Variants in NELL1 observed in about 807,000 individuals in gnomAD.
The protein encoded by NELL1 is neural EGFL like 1.
A neutral mutation model predicts 107.4 loss-of-function variants in NELL1; 76 were observed. The ratio of observed to expected loss-of-function variants is 0.71; its 90% confidence interval spans 0.59 to 0.86. The LOEUF is 0.86. Ranked by LOEUF, NELL1 falls within the 40% of genes least tolerant of loss-of-function variation. The probability of loss-of-function intolerance (pLI) is 0.00; values close to 1 mark genes in which losing one functional copy is unlikely to be tolerated. For missense variants in NELL1, 1,024 were observed against 1,005.5 expected (o/e 1.02, Z -0.25); for synonymous variants, 353 against 341.2 (o/e 1.03, Z -0.38).
At chr11:21,063,840 C>T (rs1853803441) in intron 12 of NELL1, among the ~76,000 whole-genome samples, 1 of 152,190 alleles carries the variant, frequency 6.6e-6, no homozygotes, top group African/African-American at 2.4e-5. Flanking sequence ...AACAAACTAA[C>T]TAATAAATCA....
intron 2 of NELL1, among the ~76,000 whole-genome samples, chr11:20,685,164 AT>A (rs1854277567): frequency 6.6e-6 from 1 of 151,944 alleles, no homozygotes; most frequent in South Asian, 2.1e-4. Flanking sequence ...TTCCTATGCT[AT>A]GCCTGGAAAC....
intron 2 of NELL1, among the ~76,000 whole-genome samples, chr11:20,707,402 A>G (rs774635246): frequency 3.3e-5 from 5 of 152,144 alleles, no homozygotes; most frequent in African/African-American, 9.7e-5. Context: ...GCTTTGTTCC[A>G]TTGCTGGCAA....
intron 3 of NELL1, among the ~76,000 whole-genome samples, chr11:20,804,745 A>G (rs1256424586): frequency 6.6e-6 from 1 of 152,198 alleles, no homozygotes; most frequent in African/African-American, 2.4e-5. Context: ...GAGGAGAAGC[A>G]TATGTATTCT....
At chr11:20,889,256 A>C (rs190933900) in intron 5 of NELL1, among the ~76,000 whole-genome samples, 1 of 152,380 alleles carries the variant, frequency 6.6e-6, no homozygotes, top group Non-Finnish European at 1.5e-5. Context: ...ACAAAACACA[A>C]ATTTTTCACA....
intron 14 of NELL1, among the ~76,000 whole-genome samples, chr11:21,312,552 A>T (rs1179015805): frequency 6.6e-6 from 1 of 152,130 alleles, no homozygotes; most frequent in Non-Finnish European, 1.5e-5. Flanking sequence ...TTCTCATTTC[A>T]TTCTTACATC....
intron 13 of NELL1, among the ~76,000 whole-genome samples, chr11:21,121,969 A>G (rs1855378013): frequency 6.6e-6 from 1 of 152,218 alleles, no homozygotes; most frequent in African/African-American, 2.4e-5. Flanking sequence ...TCCAGCACAT[A>G]TATCTTAGGG....
At chr11:20,740,427 C>T (rs1057033935) in intron 2 of NELL1, among the ~76,000 whole-genome samples, 1 of 152,202 alleles carries the variant, frequency 6.6e-6, no homozygotes, top group Non-Finnish European at 1.5e-5. Flanking sequence ...CAGGCTCTTG[C>T]TCCTCTCCTT....
chr11:20,993,590 G>A lies in NELL1; in HGVS notation c.1300+33030G>A, dbSNP rs557303330. Among the ~76,000 whole-genome samples, 8 of 152,150 alleles carry A rather than the reference G, an allele frequency of 5.3e-5. No individual in the cohort carries two copies. In the East Asian group the frequency reaches 9.7e-4, roughly 18 times the overall value. ...CCCCCTCAAGGACACCAAAGTCCACGGATGTTCAAGTCTTGGACATAAAAT... is the reference window on the plus strand; with the variant it reads ...CCCCCTCAAGGACACCAAAGTCCACAGATGTTCAAGTCTTGGACATAAAAT... On this transcript the variant is annotated intron_variant, in intron 12 of 19. Transcript: ENST00000357134.
At chr11:20,933,161 G>A (rs1029960261) in intron 9 of NELL1, among the ~76,000 whole-genome samples, 1 of 152,226 alleles carries the variant, frequency 6.6e-6, no homozygotes, top group Non-Finnish European at 1.5e-5. Flanking sequence ...AGGTGGTGGG[G>A]GATATGGGAC....
intron 12 of NELL1, among the ~76,000 whole-genome samples, chr11:21,025,671 A>G (rs114041334): frequency 1.8e-3 from 277 of 151,964 alleles, no homozygotes; most frequent in African/African-American, 5.8e-3. Flanking sequence ...TCGTGATCTG[A>G]TCTTGTTCTG....
chr11:21,549,816 A>G (rs1591027341), intron 16 of NELL1, among the ~76,000 whole-genome samples: 1 of 150,626 alleles, frequency 6.6e-6, no homozygotes, highest in Non-Finnish European at 1.5e-5. Flanking sequence ...ACAGATTTTA[A>G]TCCCTAATAA....
chr11:20,714,194 A>ATTTTTTT lies in NELL1; in HGVS notation c.184+36154_184+36160dup, dbSNP rs34441596. Among the ~76,000 whole-genome samples, 14 of 61,770 alleles carry ATTTTTTT rather than the reference A, an allele frequency of 2.3e-4. 2 individuals carry two copies. Among genetic ancestry groups the ATTTTTTT allele is most frequent in the Non-Finnish European group, 3.4e-4 (12 of 35,370 alleles). The allele number at this position is 61,770 out of a possible 152,430, so 40.5% of individuals were successfully genotyped here. ...CTGTCTCCTATCTGCTATCTCCCCG[A>ATTTTTTT]TTTTTTTTTTTTTTTTTTTTTTTTT... On this transcript the variant is annotated intron_variant, in intron 2 of 19. Coordinates refer to ENST00000357134, the MANE Select transcript of NELL1 (RefSeq NM_006157.5).
chr11:20,940,476 C>T (rs749291057), intron 10 of NELL1, among the ~76,000 whole-genome samples: 26 of 152,046 alleles, frequency 1.7e-4, no homozygotes, highest in Non-Finnish European at 4.4e-5. Flanking sequence ...GTCTTGAACT[C>T]CTAATCTCAT....
At chr11:21,505,860 T>G (rs1474535176) in intron 15 of NELL1, among the ~76,000 whole-genome samples, 1 of 152,192 alleles carries the variant, frequency 6.6e-6, no homozygotes. Context: ...TGCTTTTTCT[T>G]CATATATCTT....
In NELL1 at chr11:21,336,668, T is replaced by C. The variant is rs201818989; in HGVS notation, c.1550-34185T>C. Reference sequence around the variant, plus strand: ...ATGTGTGTGTATATATATATATATATATATATACACACACACACACACATT... The same window carrying C: ...ATGTGTGTGTATATATATATATATACATATATACACACACACACACACATT... On this transcript the variant is annotated intron_variant, in intron 14 of 19. Transcript: ENST00000357134. 6.6e-3 allele frequency among the ~76,000 whole-genome samples: 379 copies of C among 57,362 alleles called. 2 individuals carry two copies. Among genetic ancestry groups the C allele is most frequent in the East Asian group, 0.064 (196 of 3,044 alleles). 37.6% of individuals were successfully genotyped at this position (57,362 alleles called of 152,430 possible). A position where few individuals can be genotyped will look rare whatever the true frequency, so the allele number is the denominator to read the frequency against.
intron 14 of NELL1, among the ~76,000 whole-genome samples, chr11:21,282,207 T>A (rs756177810): frequency 6.6e-6 from 1 of 152,098 alleles, no homozygotes; most frequent in Non-Finnish European, 1.5e-5. Flanking sequence ...TAGACGTTTC[T>A]CAAAAGAAGA....
At chr11:21,305,579 C>T (rs746289575) in intron 14 of NELL1, among the ~76,000 whole-genome samples, 8 of 151,160 alleles carry the variant, frequency 5.3e-5, no homozygotes, top group East Asian at 2.0e-4. Context: ...TGCTACAAGG[C>T]GATGTTGTGA....
intron 15 of NELL1, among the ~76,000 whole-genome samples, chr11:21,442,007 T>C (rs913582724): frequency 6.6e-6 from 1 of 152,212 alleles, no homozygotes; most frequent in African/African-American, 2.4e-5. Context: ...AAAATACTTA[T>C]AGGTTCCTAT....
intron 15 of NELL1, among the ~76,000 whole-genome samples, chr11:21,392,123 T>C (rs574719650): frequency 1.3e-5 from 2 of 151,962 alleles, no homozygotes; most frequent in South Asian, 4.1e-4. Context: ...CTCAGTATAG[T>C]ATTTCTGCTC....
Sources: gnomAD v4.1 joint callset for allele counts (sites outside exome capture counted in the v4.1 genomes callset) on GRCh38, gnomAD v4.1.1 for gene constraint, MANE v1.5 for transcripts, NCBI Gene and HGNC (gene_info 2026-07-23, HGNC 2026-07-21) for gene names.